Variants in CDH13 observed in about 807,000 individuals in gnomAD.
The protein encoded by CDH13 is cadherin-13.
Under a neutral mutation model 63.8 loss-of-function variants are expected in CDH13, and 24 were observed. That is an observed-to-expected ratio of 0.38 (90% confidence interval 0.27 to 0.53). The LOEUF (loss-of-function observed/expected upper bound fraction) is 0.53, where lower values mean the gene tolerates loss of function less well. Among genes scored for constraint, CDH13 ranks in the 20% least tolerant of loss-of-function variants. CDH13 has a pLI of 0.85. For missense variants in CDH13, 1,049 were observed against 903.1 expected (o/e 1.16, Z -2.07); for synonymous variants, 503 against 355.3 (o/e 1.42, Z -4.67).
At chr16:82,791,969 C>T (rs1232860842) in intron 1 of CDH13, among the ~76,000 whole-genome samples, 1 of 152,104 alleles carries the variant, frequency 6.6e-6, no homozygotes, top group Non-Finnish European at 1.5e-5. Flanking sequence ...AACAAAGACC[C>T]GCCCGTATCA....
chr16:83,046,976 A>T (rs557447256), intron 3 of CDH13, among the ~76,000 whole-genome samples: 6 of 152,278 alleles, frequency 3.9e-5, no homozygotes, highest in African/African-American at 1.4e-4. Flanking sequence ...TGTTTATGGA[A>T]ATCAGATGGT....
In CDH13 at chr16:82,639,276, C is replaced by G. The variant is rs145140634; in HGVS notation, c.45+12139C>G. 195 of 881,616 alleles carry G rather than the reference C, an allele frequency of 2.2e-4. 1 individual carries two copies. In the African/African-American group the frequency reaches 2.8e-3, roughly 13 times the overall value. The allele number at this position is 881,616 out of a possible 1,614,324, so 54.6% of individuals were successfully genotyped here. ...TGGGTCTGGGCCCTGGACTTCCTGT[C>G]TGGGCTACTGATTGCAACCTTCAGA... On this transcript the variant is annotated intron_variant, in intron 1 of 13. Coordinates refer to ENST00000567109, the MANE Select transcript of CDH13 (RefSeq NM_001257.5).
At chr16:83,107,796 C>CT (rs143360775) in intron 3 of CDH13, among the ~76,000 whole-genome samples, 9,591 of 143,870 alleles carry the variant, frequency 0.067, 379 homozygotes, top group Non-Finnish European at 0.08. Context: ...CTCCTCTTTT[C>CT]TTTTCTTTTT....
chr16:82,985,969 A>G (rs931226820), intron 2 of CDH13, among the ~76,000 whole-genome samples: 1 of 152,022 alleles, frequency 6.6e-6, no homozygotes, highest in Non-Finnish European at 1.5e-5. Context: ...AAGCCTCCCC[A>G]CAAGCAGAGC....
chr16:83,132,557 C>T (rs1396333922), intron 4 of CDH13, among the ~76,000 whole-genome samples: 2 of 150,250 alleles, frequency 1.3e-5, no homozygotes, highest in South Asian at 2.1e-4. Context: ...AAGCAATTCT[C>T]CTGCTCAGCC....
intron 6 of CDH13, among the ~76,000 whole-genome samples, chr16:83,467,434 T>C (rs2073344212): frequency 1.3e-5 from 2 of 152,138 alleles, no homozygotes; most frequent in African/African-American, 4.8e-5. Flanking sequence ...TCTGAAAAGA[T>C]AACATAGATG....
intron 4 of CDH13, among the ~76,000 whole-genome samples, chr16:83,167,861 C>A (rs1383844337): frequency 1.3e-5 from 2 of 151,854 alleles, no homozygotes; most frequent in Non-Finnish European, 2.9e-5. Flanking sequence ...CATGGAATAC[C>A]ATGCAGCCAT....
At chr16:82,769,183 C>G (rs1273740702) in intron 1 of CDH13, among the ~76,000 whole-genome samples, 1 of 152,078 alleles carries the variant, frequency 6.6e-6, no homozygotes, top group Non-Finnish European at 1.5e-5. Flanking sequence ...TTTAATTAAC[C>G]CAACACCATG....
intron 3 of CDH13, among the ~76,000 whole-genome samples, chr16:83,046,475 A>G (rs1048540336): frequency 1.3e-5 from 2 of 152,258 alleles, no homozygotes; most frequent in Non-Finnish European, 1.5e-5. Context: ...AAAACTTTTA[A>G]ATAATATCCC....
At chr16:83,166,811 G>T (rs576368528) in intron 4 of CDH13, among the ~76,000 whole-genome samples, 3 of 152,146 alleles carry the variant, frequency 2.0e-5, no homozygotes, top group African/African-American at 7.2e-5. Context: ...AGAATGAGGT[G>T]TTCTTAGCAT....
At chr16:83,449,381 A>G (rs1284224168) in intron 6 of CDH13, among the ~76,000 whole-genome samples, 3 of 152,150 alleles carry the variant, frequency 2.0e-5, no homozygotes, top group Non-Finnish European at 2.9e-5. Flanking sequence ...CCGCTGGGCA[A>G]AGGAGAAACG....
intron 6 of CDH13, among the ~76,000 whole-genome samples, chr16:83,372,180 T>C (rs2091379458): frequency 6.6e-6 from 1 of 152,190 alleles, no homozygotes; most frequent in South Asian, 2.1e-4. Context: ...TGGGAGGTTC[T>C]GTAACATCCC....
At chr16:83,736,043 C>G (rs577445643) in intron 10 of CDH13, 1 of 152,184 alleles carries the variant, frequency 6.6e-6, no homozygotes, top group Non-Finnish European at 1.5e-5. Context: ...CCAAGTCGTC[C>G]TGTTCTTTTC....
chr16:82,721,376 A>T (rs2032759492), intron 1 of CDH13, among the ~76,000 whole-genome samples: 1 of 152,124 alleles, frequency 6.6e-6, no homozygotes, highest in African/African-American at 2.4e-5. Flanking sequence ...CCAGTTGGGA[A>T]AGTTATATTT....
intron 5 of CDH13, among the ~76,000 whole-genome samples, chr16:83,289,710 C>A (rs146260334): frequency 6.6e-6 from 1 of 152,014 alleles, no homozygotes; most frequent in Admixed American, 6.6e-5. Context: ...GGCTTGGGTA[C>A]GTGGTTTAGC....
At chr16:82,673,800 T>C (rs1415772339) in intron 1 of CDH13, among the ~76,000 whole-genome samples, 1 of 152,312 alleles carries the variant, frequency 6.6e-6, no homozygotes, top group Non-Finnish European at 1.5e-5. Flanking sequence ...TCTTGACATA[T>C]GCATACAAGC....
intron 5 of CDH13, among the ~76,000 whole-genome samples, chr16:83,339,765 T>A (rs909285558): frequency 1.3e-5 from 2 of 152,050 alleles, no homozygotes; most frequent in Non-Finnish European, 2.9e-5. Flanking sequence ...GGCATCTGGA[T>A]CTCCCTCCCA....
intron 8 of CDH13, among the ~76,000 whole-genome samples, chr16:83,670,148 G>C (rs1914373778): frequency 6.6e-6 from 1 of 152,174 alleles, no homozygotes; most frequent in African/African-American, 2.4e-5. Flanking sequence ...ACTGGATATG[G>C]AGTGGGAAGG....
chr16:82,919,393 G>A (rs943309673), intron 2 of CDH13, among the ~76,000 whole-genome samples: 1 of 152,084 alleles, frequency 6.6e-6, no homozygotes, highest in African/African-American at 2.4e-5. Context: ...CCCAGTGTCT[G>A]TTGTTTCCCC....
Sources: allele counts gnomAD v4.1 joint callset (sites outside exome capture counted in the v4.1 genomes callset), GRCh38; gene constraint gnomAD v4.1.1; transcripts MANE v1.5; gene names NCBI Gene and HGNC (gene_info 2026-07-23, HGNC 2026-07-21).